SIK2: variants seen among roughly 807,000 people sequenced by gnomAD.
SIK2 encodes the protein serine/threonine-protein kinase SIK2.
Under a neutral mutation model 103.2 loss-of-function variants are expected in SIK2, and 29 were observed. That is an observed-to-expected ratio of 0.28 (90% CI 0.21 to 0.38). SIK2 has a LOEUF of 0.38. Ranked by LOEUF, SIK2 falls within the 10% of genes least tolerant of loss-of-function variation. The probability of loss-of-function intolerance (pLI) is 1.00; values close to 1 mark genes in which losing one functional copy is unlikely to be tolerated. For synonymous variants in SIK2, 412 were observed against 446.1 expected, an observed-to-expected ratio of 0.92 and a Z score of 0.96; for missense variants, 879 against 1,171.0, an observed-to-expected ratio of 0.75 and a Z score of 3.64.
chr11:111,627,636 GA>G (rs751506221), intron 3 of SIK2, among the ~76,000 whole-genome samples: 2 of 151,548 alleles, frequency 1.3e-5, no homozygotes, highest in East Asian at 1.9e-4. Flanking sequence ...GACTTAGATG[GA>G]AAAAAAACCA....
At chr11:111,707,193 C>G (rs1943372672) in intron 8 of SIK2, among the ~76,000 whole-genome samples, 1 of 152,130 alleles carries the variant, frequency 6.6e-6, no homozygotes, top group South Asian at 2.1e-4. Context: ...CTGGAAAGCC[C>G]CCAGGGCCAG....
chr11:111,649,410 T>A (rs1942299647), intron 3 of SIK2, among the ~76,000 whole-genome samples: 1 of 152,144 alleles, frequency 6.6e-6, no homozygotes, highest in Non-Finnish European at 1.5e-5. Context: ...TTGAATATAT[T>A]ACTTACAGTA....
At chr11:111,714,469 G>T (rs1004119640) in intron 9 of SIK2, among the ~76,000 whole-genome samples, 1 of 152,194 alleles carries the variant, frequency 6.6e-6, no homozygotes, top group African/African-American at 2.4e-5. Context: ...ATATCACTGT[G>T]TGTGCCCCGG....
intron 4 of SIK2, among the ~76,000 whole-genome samples, chr11:111,696,611 G>C (rs1943075858): frequency 6.6e-6 from 1 of 152,210 alleles, no homozygotes; most frequent in Admixed American, 6.5e-5. Context: ...TTGCTTTCTA[G>C]CAGGGCTAGG....
In SIK2 at chr11:111,604,569, A is replaced by T. The variant is rs571027138; in HGVS notation, c.135+1871A>T. Among the ~76,000 whole-genome samples the T allele has an allele frequency of 3.3e-5, 5 of 152,280 alleles. 1 individual carries two copies. Among genetic ancestry groups the T allele is most frequent in the African/African-American group, 1.2e-4 (5 of 41,546 alleles). The stretch of plus-strand genomic sequence containing the variant: ...AATGGTGTCCGTTTTAAACTAATAT[A>T]TCTTAAAGAGCTAGGGGGCACTATG... On this transcript the variant is annotated intron_variant, in intron 1 of 14. Transcript: ENST00000304987.
intron 3 of SIK2, among the ~76,000 whole-genome samples, chr11:111,652,389 G>T (rs1224716785): frequency 2.6e-5 from 4 of 152,100 alleles, no homozygotes; most frequent in African/African-American, 9.7e-5. Context: ...GTAGAGCAGC[G>T]AAATCTAGTC....
At chr11:111,640,385 T>C (rs1189927544) in intron 3 of SIK2, among the ~76,000 whole-genome samples, 1 of 152,238 alleles carries the variant, frequency 6.6e-6, no homozygotes, top group Non-Finnish European at 1.5e-5. Context: ...CTATGCACAA[T>C]CATTTTAAGA....
intron 6 of SIK2, among the ~76,000 whole-genome samples, chr11:111,702,380 T>C (rs890328419): frequency 1.3e-5 from 2 of 151,966 alleles, no homozygotes; most frequent in African/African-American, 4.8e-5. Context: ...AGGCCAGGAG[T>C]TGGAGACCAG....
intron 1 of SIK2, among the ~76,000 whole-genome samples, chr11:111,612,208 T>G (rs540339689): frequency 5.9e-5 from 9 of 152,314 alleles, no homozygotes; most frequent in Non-Finnish European, 4.4e-5. Context: ...TTAAGACCTT[T>G]GTTGATTATG....
At chr11:111,653,194 A>T (rs932304526) in intron 3 of SIK2, among the ~76,000 whole-genome samples, 2 of 152,196 alleles carry the variant, frequency 1.3e-5, no homozygotes, top group Non-Finnish European at 2.9e-5. Context: ...TCTGAGAGGA[A>T]GCCATCCAAC....
chr11:111,673,849 G>A (rs915396269), intron 3 of SIK2, among the ~76,000 whole-genome samples: 5 of 152,038 alleles, frequency 3.3e-5, no homozygotes, highest in Non-Finnish European at 7.4e-5. Context: ...CAAGGCAGGT[G>A]GATCACCTGA....
chr11:111,626,948 G>A (rs1941969311), intron 3 of SIK2, among the ~76,000 whole-genome samples: 1 of 152,148 alleles, frequency 6.6e-6, no homozygotes, highest in South Asian at 2.1e-4. Flanking sequence ...AGTTAAAAGA[G>A]TTGGGCATTA....
chr11:111,609,051 C>T (rs757985578), intron 1 of SIK2, among the ~76,000 whole-genome samples: 2 of 151,768 alleles, frequency 1.3e-5, no homozygotes, highest in Non-Finnish European at 2.9e-5. Context: ...CATTTTGTTA[C>T]TTCAATTTGC....
chr11:111,711,956 CGT>C (rs1377455313), intron 8 of SIK2, among the ~76,000 whole-genome samples: 2 of 152,228 alleles, frequency 1.3e-5, no homozygotes, highest in Non-Finnish European at 2.9e-5. Flanking sequence ...TCGTCACCTG[CGT>C]GAAAGTCAAG....
At chr11:111,716,448 G>A (rs1293713214) in intron 9 of SIK2, among the ~76,000 whole-genome samples, 7 of 152,058 alleles carry the variant, frequency 4.6e-5, no homozygotes, top group African/African-American at 1.2e-4. Flanking sequence ...ATGGTGGTGC[G>A]TGCCTGTAAT....
rs1446853131 is a variant in SIK2 at position 111,653,829 on chromosome 11, CT to C, written c.316+33432del. On this transcript the variant is annotated intron_variant, in intron 3 of 14. Transcript: ENST00000304987. ...GGGAGGTGTCTGTGGTGTAAATTAG[CT>C]TTTTCCCTTCTCAGATCTGTCTTCC... Among the ~76,000 whole-genome samples, 9 of 152,352 alleles carry C rather than the reference CT, an allele frequency of 5.9e-5. No homozygotes were observed. In the South Asian group the frequency reaches 1.9e-3, roughly 32 times the overall value.
intron 3 of SIK2, among the ~76,000 whole-genome samples, chr11:111,626,602 C>T (rs1270992432): frequency 6.6e-6 from 1 of 151,926 alleles, no homozygotes; most frequent in Admixed American, 6.6e-5. Context: ...GTCATTATCT[C>T]CTAACTGATC....
intron 1 of SIK2, among the ~76,000 whole-genome samples, chr11:111,611,170 G>A (rs956697805): frequency 6.6e-6 from 1 of 151,330 alleles, no homozygotes. Context: ...GATCATTTGA[G>A]CCTGGGAGGC....
chr11:111,701,361 A>G lies in SIK2; in HGVS notation c.604-91A>G, dbSNP rs947863950. 153 of 1,482,454 alleles carry G rather than the reference A, an allele frequency of 1.0e-4. No individual in the cohort carries two copies. Among genetic ancestry groups the G allele is most frequent in the Non-Finnish European group, 1.3e-4 (147 of 1,104,032 alleles). The allele number at this position is 1,482,454 out of a possible 1,614,324, so 91.8% of individuals were successfully genotyped here. A position where few individuals can be genotyped will look rare whatever the true frequency, so the allele number is the denominator to read the frequency against. On this transcript the variant is annotated intron_variant, in intron 5 of 14. Coordinates refer to ENST00000304987, the MANE Select transcript of SIK2 (RefSeq NM_015191.3). This position sits in a 1 kb window ranked among gnomAD's most constrained non-coding sequence, Gnocchi z 4.2. ...AATCCAGACAGGAATTTTTCAGTCC[A>G]TATGATTTCAAGAGCCCTGGGGATG...
Sources: allele counts gnomAD v4.1 joint callset (sites outside exome capture counted in the v4.1 genomes callset), GRCh38; gene constraint gnomAD v4.1.1; non-coding constraint Gnocchi (gnomAD v3.1); transcripts MANE v1.5; gene names NCBI Gene and HGNC (gene_info 2026-07-23, HGNC 2026-07-21).